The following ZBTB20 variants were observed in gnomAD, a reference collection of about 807,000 sequenced individuals.
ZBTB20 encodes zinc finger and BTB domain containing 20, also known as zinc finger and BTB domain-containing protein 20.
A neutral mutation model predicts 56.9 loss-of-function variants in ZBTB20; 9 were observed. The observed-to-expected ratio is 0.16, with a 90% CI of 0.10 to 0.28. The LOEUF (loss-of-function observed/expected upper bound fraction) is 0.28. Ranked by LOEUF, ZBTB20 falls within the 10% of genes least tolerant of loss-of-function variation. The probability of loss-of-function intolerance (pLI) is 1.00; values close to 1 mark genes in which losing one functional copy is unlikely to be tolerated. For synonymous variants in ZBTB20, 417 were observed against 420.7 expected (o/e 0.99, Z 0.11); for missense variants, 655 against 1,003.0 (o/e 0.65, Z 4.69).
intron 3 of ZBTB20, among the ~76,000 whole-genome samples, chr3:114,909,616 T>A (rs771019966): frequency 6.6e-6 from 1 of 151,956 alleles, no homozygotes; most frequent in Non-Finnish European, 1.5e-5. Context: ...GTATTAATTA[T>A]AACTTATAAG....
chr3:114,819,213 A>G (rs2073109387), intron 4 of ZBTB20, among the ~76,000 whole-genome samples: 1 of 151,990 alleles, frequency 6.6e-6, no homozygotes, highest in Non-Finnish European at 1.5e-5. Context: ...AAAAGATACA[A>G]TCTATTTATG....
chr3:114,666,031 G>A (rs901194708), intron 6 of ZBTB20, among the ~76,000 whole-genome samples: 6 of 151,994 alleles, frequency 3.9e-5, no homozygotes, highest in Non-Finnish European at 5.9e-5. Context: ...TATCCTAAAT[G>A]GACCGCATGC....
At chr3:114,463,327 T>C (rs1212076614) in intron 7 of ZBTB20, among the ~76,000 whole-genome samples, 2 of 152,194 alleles carry the variant, frequency 1.3e-5, no homozygotes, top group East Asian at 1.9e-4. Flanking sequence ...TTTTTAGACA[T>C]CTACGTTGTA....
chr3:114,555,696 T>C (rs891643869), intron 6 of ZBTB20, among the ~76,000 whole-genome samples: 2 of 152,128 alleles, frequency 1.3e-5, no homozygotes, highest in African/African-American at 4.8e-5. Context: ...CATGGGATAA[T>C]GCTCCATAGA....
intron 1 of ZBTB20, among the ~76,000 whole-genome samples, chr3:115,078,868 C>T (rs2108533072): frequency 6.6e-6 from 1 of 151,992 alleles, no homozygotes; most frequent in Admixed American, 6.6e-5. Context: ...TTTGATATTC[C>T]TTTTCTTTAA....
At chr3:115,014,408 A>C (rs1453968518) in intron 2 of ZBTB20, among the ~76,000 whole-genome samples, 1 of 151,664 alleles carries the variant, frequency 6.6e-6, no homozygotes, top group Non-Finnish European at 1.5e-5. Context: ...AAAAAACTAA[A>C]AGTGTACAAT....
intron 6 of ZBTB20, among the ~76,000 whole-genome samples, chr3:114,512,297 A>G (rs540556043): frequency 1.3e-5 from 2 of 151,894 alleles, no homozygotes; most frequent in South Asian, 4.2e-4. Flanking sequence ...TGGTTAAGAT[A>G]GGGGAGAATA....
At chr3:114,444,698 A>C (rs929468685) in intron 7 of ZBTB20, among the ~76,000 whole-genome samples, 17 of 152,052 alleles carry the variant, frequency 1.1e-4, no homozygotes, top group African/African-American at 4.1e-4. Context: ...ATCATTTCTT[A>C]ATCTGTTGGA....
chr3:114,733,792 G>T (rs772460135), intron 5 of ZBTB20, among the ~76,000 whole-genome samples: 1 of 152,154 alleles, frequency 6.6e-6, no homozygotes, highest in Non-Finnish European at 1.5e-5. Context: ...AAGGGTAGAA[G>T]AAAGGACTGA....
rs557708330 is a variant in ZBTB20 at position 115,092,642 on chromosome 3, C to T, written c.-702-21228G>A. Among the ~76,000 whole-genome samples the T allele has an allele frequency of 2.2e-4, 34 of 152,156 alleles. No homozygotes were observed. The South Asian group carries it at 4.6e-3, about 20-fold the overall frequency. On this transcript the variant is annotated intron_variant, in intron 1 of 11. Coordinates refer to ENST00000675478, the MANE Select transcript of ZBTB20 (RefSeq NM_001348800.3). ...CTTGCTATTGGCAAGGCAGTGGACA[C>T]GGATCGCCTCTCCATCTAGTGGCCA...
At chr3:114,818,769 A>T (rs1022537545) in intron 4 of ZBTB20, among the ~76,000 whole-genome samples, 2 of 151,996 alleles carry the variant, frequency 1.3e-5, no homozygotes, top group Non-Finnish European at 2.9e-5. Context: ...CCACATAATA[A>T]AAAACAAGAA....
chr3:115,101,897 T>A (rs1374364626), intron 1 of ZBTB20, among the ~76,000 whole-genome samples: 1 of 152,150 alleles, frequency 6.6e-6, no homozygotes, highest in Non-Finnish European at 1.5e-5. Context: ...TTAAAAAAAA[T>A]CAGTTTTCAA....
intron 6 of ZBTB20, among the ~76,000 whole-genome samples, chr3:114,506,136 T>TG (rs1202853825): frequency 6.6e-6 from 1 of 152,118 alleles, no homozygotes. Context: ...ATACATATCT[T>TG]GGGGTCTGCT....
chr3:114,873,327 G>A (rs963544625), intron 4 of ZBTB20: 2 of 152,066 alleles, frequency 1.3e-5, no homozygotes, highest in Non-Finnish European at 2.9e-5. Context: ...AGGAATTAAC[G>A]GGTTCATATA....
At chr3:114,810,801 G>A (rs1306144274) in intron 4 of ZBTB20, among the ~76,000 whole-genome samples, 1 of 152,134 alleles carries the variant, frequency 6.6e-6, no homozygotes, top group East Asian at 1.9e-4. Flanking sequence ...CATGCATGTG[G>A]GGTGGCGGGG....
At chr3:114,423,184 T>C in intron 7 of ZBTB20, among the ~76,000 whole-genome samples, 1 of 152,192 alleles carries the variant, frequency 6.6e-6, no homozygotes, top group East Asian at 1.9e-4. Flanking sequence ...CAAGCTTCCA[T>C]GGAACACTCT....
chr3:114,937,825 C>T (rs1449611866), intron 3 of ZBTB20, among the ~76,000 whole-genome samples: 1 of 151,928 alleles, frequency 6.6e-6, no homozygotes, highest in Non-Finnish European at 1.5e-5. Flanking sequence ...TGGCCGGGCA[C>T]GGTGGCTCAC....
chr3:114,526,896 T>C (rs898600380), intron 6 of ZBTB20, among the ~76,000 whole-genome samples: 2 of 152,202 alleles, frequency 1.3e-5, no homozygotes, highest in Non-Finnish European at 2.9e-5. Context: ...CTTGACAGAA[T>C]ATATGCCTGC....
chr3:114,869,125 C>A (rs185956058), intron 4 of ZBTB20, among the ~76,000 whole-genome samples: 1 of 151,996 alleles, frequency 6.6e-6, no homozygotes, highest in Admixed American at 6.6e-5. Context: ...ACTGAAGCTA[C>A]ATAAATGTCA....
Sources: allele counts gnomAD v4.1 joint callset (sites outside exome capture counted in the v4.1 genomes callset), GRCh38; gene constraint gnomAD v4.1.1; transcripts MANE v1.5; gene names NCBI Gene and HGNC (gene_info 2026-07-23, HGNC 2026-07-21).